Variants in PCDH15 observed in about 807,000 individuals in gnomAD.
The protein encoded by PCDH15 is protocadherin-15.
PCDH15 carries 129 observed loss-of-function variants against 178.5 expected under a neutral mutation model. That is an observed-to-expected ratio of 0.72 (90% CI 0.63 to 0.84). PCDH15 has a LOEUF of 0.84. PCDH15 is among the 40% of genes least tolerant of loss of function. The probability of loss-of-function intolerance (pLI) is 0.00; values close to 1 mark genes in which losing one functional copy is unlikely to be tolerated. For missense variants in PCDH15, 2,230 were observed against 2,099.9 expected (o/e 1.06, Z -1.21); for synonymous variants, 800 against 732.0 (o/e 1.09, Z -1.50).
chr10:55,560,832 T>C (rs1842182757), intron 2 of PCDH15, among the ~76,000 whole-genome samples: 1 of 151,704 alleles, frequency 6.6e-6, no homozygotes, highest in African/African-American at 2.4e-5. Flanking sequence ...TATTAATAGA[T>C]AAAGACTAAC....
chr10:54,878,294 G>A (rs185885276), intron 3 of PCDH15, among the ~76,000 whole-genome samples: 1 of 152,220 alleles, frequency 6.6e-6, no homozygotes, highest in East Asian at 1.9e-4. Context: ...TAGCAATCAA[G>A]CAACTTTAGG....
intron 1 of PCDH15, among the ~76,000 whole-genome samples, chr10:55,183,096 T>C (rs1839697083): frequency 6.6e-6 from 1 of 151,972 alleles, no homozygotes; most frequent in Non-Finnish European, 1.5e-5. Flanking sequence ...ATTTATATTA[T>C]TGTACAGAGG....
intron 28 of PCDH15, among the ~76,000 whole-genome samples, chr10:53,851,773 T>C (rs2078394345): frequency 6.8e-6 from 1 of 146,908 alleles, no homozygotes; most frequent in Non-Finnish European, 1.5e-5. Context: ...ATAAATTCTA[T>C]ATACGTAATA....
At chr10:54,963,981 T>G (rs913234922) in intron 2 of PCDH15, among the ~76,000 whole-genome samples, 1 of 152,072 alleles carries the variant, frequency 6.6e-6, no homozygotes, top group Non-Finnish European at 1.5e-5. Context: ...GGAAGGAATG[T>G]AACTACATGT....
intron 2 of PCDH15, among the ~76,000 whole-genome samples, chr10:55,341,573 C>A (rs1844556996): frequency 7.3e-6 from 1 of 136,816 alleles, no homozygotes; most frequent in East Asian, 2.2e-4. Context: ...AGATTAGCAT[C>A]CTTTTTTTTT....
At chr10:54,354,757 A>G (rs1944703790) in intron 5 of PCDH15, among the ~76,000 whole-genome samples, 1 of 152,182 alleles carries the variant, frequency 6.6e-6, no homozygotes, top group African/African-American at 2.4e-5. Context: ...AAGGATATTC[A>G]ACTCTATAAG....
At chr10:54,502,360 T>C (rs1003637800) in intron 3 of PCDH15, among the ~76,000 whole-genome samples, 1 of 152,126 alleles carries the variant, frequency 6.6e-6, no homozygotes, top group African/African-American at 2.4e-5. Context: ...TATTTTTCAC[T>C]TGTTTCGCAG....
chr10:55,136,590 G>A (rs1258210943), intron 2 of PCDH15, among the ~76,000 whole-genome samples: 1 of 152,064 alleles, frequency 6.6e-6, no homozygotes, highest in African/African-American at 2.4e-5. Context: ...TCAAAGAGGG[G>A]TAAAGGAAGT....
chr10:54,847,719 A>G (rs946714012), intron 3 of PCDH15, among the ~76,000 whole-genome samples: 19 of 152,188 alleles, frequency 1.2e-4, no homozygotes, highest in African/African-American at 4.6e-4. Context: ...GTGGAAAGGG[A>G]TATGAGAAGG....
At chr10:54,767,449 T>TTCCA (rs1948642655) in intron 1 of PCDH15, among the ~76,000 whole-genome samples, 1 of 152,026 alleles carries the variant, frequency 6.6e-6, no homozygotes, top group Admixed American at 6.6e-5. Flanking sequence ...TTAAATTACA[T>TTCCA]AGACAGTCCA....
At chr10:54,872,532 C>CA (rs1333692468) in intron 3 of PCDH15, among the ~76,000 whole-genome samples, 1 of 151,704 alleles carries the variant, frequency 6.6e-6, no homozygotes, top group East Asian at 1.9e-4. Flanking sequence ...AATACCTCTC[C>CA]ATATATTTGC....
chr10:54,459,091 CAT>C (rs2077010753), intron 3 of PCDH15, among the ~76,000 whole-genome samples: 1 of 151,850 alleles, frequency 6.6e-6, no homozygotes, highest in African/African-American at 2.4e-5. Flanking sequence ...GGTGTATCTA[CAT>C]GGTGCTAAAA....
intron 2 of PCDH15, among the ~76,000 whole-genome samples, chr10:54,923,150 T>G (rs1334917007): frequency 7.2e-6 from 1 of 138,378 alleles, no homozygotes; most frequent in Non-Finnish European, 1.7e-5. Context: ...TTGTACCCTC[T>G]GAAGCAACAG....
At chr10:54,155,609 A>G (rs979514870) in intron 13 of PCDH15, among the ~76,000 whole-genome samples, 3 of 152,094 alleles carry the variant, frequency 2.0e-5, no homozygotes, top group African/African-American at 7.2e-5. Flanking sequence ...AAATAAGCTG[A>G]GACACTGATT....
chr10:54,382,204 G>T (rs113451906), intron 3 of PCDH15, among the ~76,000 whole-genome samples: 1 of 152,146 alleles, frequency 6.6e-6, no homozygotes, highest in Non-Finnish European at 1.5e-5. Context: ...TACCTCTAGG[G>T]ACGTTTTTTA....
chr10:55,317,423 C>T (rs1565001716), intron 1 of PCDH15, among the ~76,000 whole-genome samples: 1 of 151,966 alleles, frequency 6.6e-6, no homozygotes, highest in African/African-American at 2.4e-5. Flanking sequence ...GTTTTAATAT[C>T]TTACCCTTTT....
chr10:55,085,512 A>G (rs764573455), intron 2 of PCDH15, among the ~76,000 whole-genome samples: 1 of 151,992 alleles, frequency 6.6e-6, no homozygotes, highest in Non-Finnish European at 1.5e-5. Context: ...TAACACAAAG[A>G]AAGGAGAAAT....
At chr10:54,358,993 A>ACACTCT (rs1199297101) in intron 5 of PCDH15, among the ~76,000 whole-genome samples, 2 of 127,516 alleles carry the variant, frequency 1.6e-5, no homozygotes, top group Non-Finnish European at 3.2e-5. Flanking sequence ...GGGGAACATC[A>ACACTCT]CACTCTGGGG....
At chr10:54,641,348 A>G (rs11004426) in intron 2 of PCDH15, among the ~76,000 whole-genome samples, 2,226 of 152,238 alleles carry the variant, frequency 0.015, 33 homozygotes, top group East Asian at 0.064. Context: ...TCAGGAACAG[A>G]TAAGAGATAC....
Sources: allele counts gnomAD v4.1 joint callset (sites outside exome capture counted in the v4.1 genomes callset), GRCh38; gene constraint gnomAD v4.1.1; transcripts MANE v1.5; gene names NCBI Gene and HGNC (gene_info 2026-07-23, HGNC 2026-07-21).